The following FTO variants were observed in gnomAD, a reference collection of about 807,000 sequenced individuals.
FTO encodes the protein FTO alpha-ketoglutarate dependent dioxygenase.
FTO carries 47 observed loss-of-function variants against 63.9 expected under a neutral mutation model. The observed-to-expected ratio is 0.74, with a 90% CI of 0.58 to 0.94. The LOEUF is 0.94. Ranked by LOEUF, FTO falls within the 40% of genes least tolerant of loss-of-function variation. The probability of loss-of-function intolerance (pLI) is 0.00; values close to 1 mark genes in which losing one functional copy is unlikely to be tolerated. For missense variants in FTO, 562 were observed against 618.1 expected (o/e 0.91, Z 0.96); for synonymous variants, 207 against 224.4 (o/e 0.92, Z 0.69).
chr16:53,768,649 T>TA lies in FTO; in HGVS notation c.46-41490dup, dbSNP rs143624260. Among the ~76,000 whole-genome samples the TA allele has an allele frequency of 2.5e-3, 382 of 152,274 alleles. 1 individual carries two copies. The highest frequency in any genetic ancestry group is 8.8e-3 in the African/African-American group (366 of 41,562). ...GTGGAGAAATGGCCTCTGTTTAGCTTATGAGCACAGAGTCATTTTGGGGGT... is the reference window on the plus strand; with the variant it reads ...GTGGAGAAATGGCCTCTGTTTAGCTTAATGAGCACAGAGTCATTTTGGGGGT... On this transcript the variant is annotated intron_variant, in intron 1 of 8. Transcript: ENST00000471389.
chr16:54,103,311 G>A (rs2086679507), intron 8 of FTO, among the ~76,000 whole-genome samples: 1 of 152,138 alleles, frequency 6.6e-6, no homozygotes, highest in Non-Finnish European at 1.5e-5. Context: ...CCTCTTCCCA[G>A]AAGCGTGAGG....
chr16:54,022,030 T>G (rs1348962550), intron 8 of FTO, among the ~76,000 whole-genome samples: 2 of 152,202 alleles, frequency 1.3e-5, no homozygotes, highest in Non-Finnish European at 2.9e-5. Context: ...AGCAGATGTT[T>G]TCAAATAGAT....
At chr16:54,063,739 T>G (rs1324340469) in intron 8 of FTO, 1 of 150,990 alleles carries the variant, frequency 6.6e-6, no homozygotes, top group African/African-American at 2.4e-5. Context: ...CCCAGAGGTA[T>G]GCGTAGCTAT....
At chr16:53,813,392 AG>A (rs2078588440) in intron 2 of FTO, among the ~76,000 whole-genome samples, 1 of 151,890 alleles carries the variant, frequency 6.6e-6, no homozygotes, top group African/African-American at 2.4e-5. Flanking sequence ...TTGTAAGTTT[AG>A]TAGAGATGGG....
Position 53,826,402 on chromosome 16 carries a change from T to C in FTO, c.662T>C (p.Phe221Ser), listed in dbSNP as rs1484209773. 1.2e-6 allele frequency: 2 copies of C among 1,614,058 alleles called. No homozygotes were observed. The highest frequency in any genetic ancestry group is 1.7e-6 in the Non-Finnish European group (2 of 1,180,042). ...KMPYLKEEPYFGMGKMAVSWH... is the reference protein window; with the variant it reads ...KMPYLKEEPYSGMGKMAVSWH... Reference sequence around the variant, plus strand: ...CCATACCTGAAAGAGGAACCTTATTTTGGCATGGGGAAAATGGCAGTGAGC... The same window carrying C: ...CCATACCTGAAAGAGGAACCTTATTCTGGCATGGGGAAAATGGCAGTGAGC... Residue 221 changes from phenylalanine to serine, a missense_variant, in exon 3 of 9, where the codon TTT becomes TCT. Transcript: ENST00000471389.
chr16:54,115,379 T>G lies in FTO; in HGVS notation c.*3464T>G, dbSNP rs2086967561. ...CCAGGCTAGTGGATGCCCTGGGATATGTAGTCACCAAAATAGGAACTTACC... is the reference window on the plus strand; with the variant it reads ...CCAGGCTAGTGGATGCCCTGGGATAGGTAGTCACCAAAATAGGAACTTACC... On this transcript the variant is annotated 3_prime_UTR_variant, in exon 9 of 9. Coordinates refer to ENST00000471389, the MANE Select transcript of FTO (RefSeq NM_001080432.3). 6.6e-6 allele frequency: 1 copy of G among 152,248 alleles called. No homozygotes were observed. The highest frequency in any genetic ancestry group is 1.5e-5 in the Non-Finnish European group (1 of 68,120). 9.4% of individuals were successfully genotyped at this position (152,248 alleles called of 1,614,324 possible).
chr16:54,099,986 T>C (rs1211413240), intron 8 of FTO, among the ~76,000 whole-genome samples: 1 of 152,164 alleles, frequency 6.6e-6, no homozygotes, highest in East Asian at 1.9e-4. Context: ...AGCATCTTTG[T>C]GGTCCTTTGT....
At chr16:54,097,406 T>C (rs1232306352) in intron 8 of FTO, among the ~76,000 whole-genome samples, 1 of 152,028 alleles carries the variant, frequency 6.6e-6, no homozygotes, top group East Asian at 1.9e-4. Context: ...AGTGGTGTGA[T>C]TACTGCTCAC....
At chr16:54,052,675 T>C (rs914197631) in intron 8 of FTO, 4 of 152,088 alleles carry the variant, frequency 2.6e-5, no homozygotes, top group African/African-American at 9.7e-5. Context: ...ATACGGATAA[T>C]AAGAGGAAAG....
intron 4 of FTO, among the ~76,000 whole-genome samples, chr16:53,846,550 C>G (rs2079625050): frequency 6.6e-6 from 1 of 151,986 alleles, no homozygotes; most frequent in Non-Finnish European, 1.5e-5. Context: ...CCTCTAATCC[C>G]AGCACTTTGG....
rs1308201130 is a variant in FTO at position 53,965,068 on chromosome 16, A to ACC, written c.1364+30959_1364+30960insCC. 1.4e-3 allele frequency among the ~76,000 whole-genome samples: 208 copies of ACC among 151,594 alleles called. 1 individual carries two copies. Among genetic ancestry groups the ACC allele is most frequent in the African/African-American group, 4.9e-3 (201 of 41,212 alleles). On this transcript the variant is annotated intron_variant, in intron 8 of 8. Coordinates refer to ENST00000471389, the MANE Select transcript of FTO (RefSeq NM_001080432.3). ...TTGTTACTCCATTCCTGTAGTGATGAACCCCCCGCCCTTTTTTTGTTTTGA... is the reference window on the plus strand; with the variant it reads ...TTGTTACTCCATTCCTGTAGTGATGACCACCCCCCGCCCTTTTTTTGTTTTGA...
chr16:53,937,145 T>C, intron 8 of FTO: 1 of 398,118 alleles, frequency 2.5e-6, no homozygotes, highest in Non-Finnish European at 4.4e-6. Context: ...CCAGCGACTC[T>C]AGAGGCACAT....
chr16:53,842,580 C>A (rs1332194664), intron 3 of FTO, among the ~76,000 whole-genome samples: 2 of 152,124 alleles, frequency 1.3e-5, no homozygotes, highest in Non-Finnish European at 2.9e-5. Flanking sequence ...TCTTGTGTAT[C>A]CTTCCAGAAG....
chr16:53,796,995 A>G (rs1275844106), intron 1 of FTO, among the ~76,000 whole-genome samples: 1 of 152,166 alleles, frequency 6.6e-6, no homozygotes, highest in African/African-American at 2.4e-5. Flanking sequence ...ACTATTGACT[A>G]GTTGGCATTT....
intron 1 of FTO, among the ~76,000 whole-genome samples, chr16:53,712,236 G>A (rs2075791954): frequency 6.6e-6 from 1 of 151,662 alleles, no homozygotes; most frequent in Non-Finnish European, 1.5e-5. Context: ...CTTTTATTAT[G>A]GGCCATTCTA....
intron 8 of FTO, among the ~76,000 whole-genome samples, chr16:53,989,118 G>A (rs2083741448): frequency 6.6e-6 from 1 of 152,106 alleles, no homozygotes; most frequent in African/African-American, 2.4e-5. Context: ...CTTGGCTGAT[G>A]TGCTCTGAGA....
intron 8 of FTO, among the ~76,000 whole-genome samples, chr16:53,989,869 A>T (rs547417116): frequency 2.0e-5 from 3 of 151,632 alleles, no homozygotes; most frequent in African/African-American, 7.3e-5. Flanking sequence ...AGCCTACTCA[A>T]AGTGGAGACA....
intron 8 of FTO, among the ~76,000 whole-genome samples, chr16:54,051,452 C>T (rs1320816187): frequency 6.6e-6 from 1 of 152,248 alleles, no homozygotes; most frequent in Admixed American, 6.5e-5. Context: ...AGGTTCAGGA[C>T]AGTTGTCCTG....
At chr16:53,734,037 C>T (rs1322231895) in intron 1 of FTO, among the ~76,000 whole-genome samples, 1 of 152,190 alleles carries the variant, frequency 6.6e-6, no homozygotes, top group Non-Finnish European at 1.5e-5. Context: ...TGAATCAACT[C>T]ATGACAAAAC....
Sources: gnomAD v4.1 joint callset for allele counts (sites outside exome capture counted in the v4.1 genomes callset) on GRCh38, gnomAD v4.1.1 for gene constraint, MANE v1.5 for transcripts, NCBI Gene and HGNC (gene_info 2026-07-23, HGNC 2026-07-21) for gene names.